Variants in ILF2 observed in about 807,000 individuals in gnomAD.
The protein encoded by ILF2 is interleukin enhancer binding factor 2, also known as interleukin enhancer-binding factor 2.
A neutral mutation model predicts 55.3 loss-of-function variants in ILF2; 9 were observed. The observed-to-expected ratio is 0.16, with a 90% CI of 0.10 to 0.28. The LOEUF (loss-of-function observed/expected upper bound fraction) is 0.28. ILF2 is among the 10% of genes least tolerant of loss of function. The pLI is 1.00. For synonymous variants in ILF2, 151 were observed against 161.8 expected, an observed-to-expected ratio of 0.93 and a Z score of 0.50; for missense variants, 266 against 474.9, an observed-to-expected ratio of 0.56 and a Z score of 4.09.
At chr1:153,670,091 T>C (rs1669406660) in intron 2 of ILF2, 80 bp downstream of exon 2, 1 of 1,436,284 alleles carries the variant, frequency 7.0e-7, no homozygotes, top group Non-Finnish European at 9.8e-7. Context: ...CAAGTGACAT[T>C]AGTCTACTCT....
Position 153,664,309 on chromosome 1 carries a change from G to T in ILF2, c.656+87C>A, listed in dbSNP as rs1669250945. On this transcript the variant is annotated intron_variant, in intron 9 of 13. Transcript: ENST00000361891. The stretch of plus-strand genomic sequence containing the variant: ...CAGACACGAGGTCACAGGCAAAATA[G>T]TTCTGTCAGAGGAAGTATGGGGGTA... 3 of 1,202,328 alleles carry T rather than the reference G, an allele frequency of 2.5e-6. No individual in the cohort carries two copies. In the East Asian group the frequency reaches 7.1e-5, roughly 28 times the overall value. 74.5% of individuals were successfully genotyped at this position (1,202,328 alleles called of 1,614,324 possible). A position where few individuals can be genotyped will look rare whatever the true frequency, so the allele number is the denominator to read the frequency against.
intron 3 of ILF2, 94 bp from the exon 4 acceptor site, chr1:153,668,651 A>C (rs1669370761): frequency 2.1e-6 from 3 of 1,407,330 alleles, no homozygotes; most frequent in South Asian, 1.4e-5. Flanking sequence ...AAGGTTAAAA[A>C]CAGAAAATTC....
At chr1:153,665,164 A>G in intron 8 of ILF2, 56 bp downstream of exon 8, 2 of 995,214 alleles carry the variant, frequency 2.0e-6, no homozygotes, top group Non-Finnish European at 3.2e-6. Context: ...AACAGCAACA[A>G]TACCATGTTT....
At chr1:153,669,213 G>A (rs140065214) in intron 3 of ILF2, among the ~76,000 whole-genome samples, 3 of 152,236 alleles carry the variant, frequency 2.0e-5, no homozygotes, top group East Asian at 3.9e-4. Flanking sequence ...TCCAGCCTGG[G>A]TGACAGAGTG....
At chr1:153,664,171 C>A in intron 9 of ILF2, 41 bp from the exon 10 acceptor site, 1 of 1,228,940 alleles carries the variant, frequency 8.1e-7, no homozygotes, top group South Asian at 1.3e-5. Flanking sequence ...TCAATACGAT[C>A]ATGTATTTCC....
At chr1:153,670,693 T>G (rs1160796432) in intron 1 of ILF2, among the ~76,000 whole-genome samples, 1 of 151,528 alleles carries the variant, frequency 6.6e-6, no homozygotes, top group Non-Finnish European at 1.5e-5. Flanking sequence ...GAGACAAAGG[T>G]GTCGAACCCC....
In ILF2 at chr1:153,661,822, TTAAAA is replaced by T; in HGVS notation, c.*569_*573del. 6.4e-6 allele frequency: 1 copy of T among 155,406 alleles called. No individual in the cohort carries two copies. The highest frequency in any genetic ancestry group is 3.4e-3 in the Middle Eastern group (1 of 296). 9.6% of individuals were successfully genotyped at this position (155,406 alleles called of 1,614,324 possible). ...TAGAATCATTTTATTCAATAAATAC[TTAAAA>T]TGATATTCTAGTTTACTCTGGTATA... On this transcript the variant is annotated 3_prime_UTR_variant, in exon 14 of 14. Coordinates refer to ENST00000361891, the MANE Select transcript of ILF2 (RefSeq NM_004515.4).
chr1:153,667,964 C>G lies in ILF2; in HGVS notation c.291+36G>C, dbSNP rs1411740229. 3 of 1,453,494 alleles carry G rather than the reference C, an allele frequency of 2.1e-6. No homozygotes were observed. In the East Asian group the frequency reaches 6.8e-5, roughly 33 times the overall value. The allele number at this position is 1,453,494 out of a possible 1,614,324, so 90.0% of individuals were successfully genotyped here. A position where few individuals can be genotyped will look rare whatever the true frequency, so the allele number is the denominator to read the frequency against. On this transcript the variant is annotated intron_variant, in intron 5 of 13. Transcript: ENST00000361891. ...CAAGGCAATTTCCACACTACCAAAGCTGCCCTTTCCTAAAACTAAATCATC... is the reference window on the plus strand; with the variant it reads ...CAAGGCAATTTCCACACTACCAAAGGTGCCCTTTCCTAAAACTAAATCATC...
intron 10 of ILF2, 87 bp downstream of exon 10, chr1:153,663,956 T>TTAC (rs10598064): frequency 0.042 from 17,570 of 421,502 alleles, 215 homozygotes; most frequent in Middle Eastern, 0.13. Flanking sequence ...AATTTCAGAG[T>TTAC]TACTACTACT....
In ILF2 at chr1:153,668,044, T is replaced by C; in HGVS notation, c.247A>G (p.Asn83Asp). 6.2e-7 allele frequency: 1 copy of C among 1,611,774 alleles called. No homozygotes were observed. Among genetic ancestry groups the C allele is most frequent in the Non-Finnish European group, 8.5e-7 (1 of 1,178,996 alleles). The change falls in exon 5 of 14, where the codon AAT becomes GAT. Residue 83 changes from asparagine (N) to aspartate (D), a missense_variant. By Grantham distance (23) the Asn-to-Asp change is conservative (BLOSUM62 1). Coordinates refer to ENST00000361891, the MANE Select transcript of ILF2 (RefSeq NM_004515.4). ...SILSLVTKIN[N>D]VIDNLIVAPG... ...GCCACAATCAGATTATCAATCACAT[T>C]GTTTATTTTTGTCACCAGAGAAAGG...
chr1:153,663,721 C>T (rs1196624652), intron 10 of ILF2, among the ~76,000 whole-genome samples: 3 of 151,346 alleles, frequency 2.0e-5, no homozygotes, highest in African/African-American at 7.3e-5. Context: ...TCACTCATTT[C>T]TCTCTACTAC....
Position 153,663,125 on chromosome 1 carries a change from A to G in ILF2, c.815T>C (p.Leu272Ser). 6.2e-7 allele frequency: 1 copy of G among 1,614,194 alleles called. No homozygotes were observed. Among genetic ancestry groups the G allele is most frequent in the Non-Finnish European group, 8.5e-7 (1 of 1,180,020 alleles). Residue 272 changes from leucine (L) to serine (S), a missense_variant, in exon 12 of 14, where the codon TTG (leucine) becomes TCG (serine). Transcript: ENST00000361891. ...LALNVAYRRC[L>S]QILAAGLFLP... ...GAACAGTCCTGCAGCCAGAATCTGCAAGCAGCGCCTAGAACACAGGGAGGT... is the reference window on the plus strand; with the variant it reads ...GAACAGTCCTGCAGCCAGAATCTGCGAGCAGCGCCTAGAACACAGGGAGGT...
chr1:153,664,684 T>C (rs990412014), intron 8 of ILF2, among the ~76,000 whole-genome samples: 1 of 152,142 alleles, frequency 6.6e-6, no homozygotes, highest in African/African-American at 2.4e-5. Flanking sequence ...CTCAGCCTCC[T>C]GAGTAGCTGG....
intron 13 of ILF2, 72 bp downstream of exon 13, chr1:153,662,633 A>C: frequency 6.4e-7 from 1 of 1,567,338 alleles, no homozygotes; most frequent in Admixed American, 1.7e-5. Context: ...AATATTAAAG[A>C]CATTTAAGTA....
At chr1:153,665,792 T>C in intron 6 of ILF2, 64 bp from the exon 7 acceptor site, 1 of 1,235,742 alleles carries the variant, frequency 8.1e-7, no homozygotes, top group South Asian at 1.3e-5. Context: ...TATGTATCTC[T>C]AAGCTACTTT....
At chr1:153,663,363 T>A in intron 10 of ILF2, 87 bp from the exon 11 acceptor site, 1 of 1,273,136 alleles carries the variant, frequency 7.9e-7, no homozygotes, top group South Asian at 1.2e-5. Context: ...GGGCCTCACT[T>A]TGTCATCCAG....
chr1:153,664,784 C>G (rs1473111193), intron 8 of ILF2, among the ~76,000 whole-genome samples: 4 of 152,192 alleles, frequency 2.6e-5, no homozygotes, highest in Non-Finnish European at 5.9e-5. Flanking sequence ...TCTCCAACTC[C>G]TGACCTCAGG....
In ILF2 at chr1:153,662,415, C is replaced by T; in HGVS notation, c.1154G>A (p.Ser385Asn). ...EEPPQGEEEE[S>N]METQE is the part of the protein sequence containing the mutation. The stretch of plus-strand genomic sequence containing the variant: ...GGAATGTCACTCCTGAGTTTCCATG[C>T]TTTCTTCTTCCTCTCCTTGAGGTGG... Residue 385 changes from serine to asparagine, a missense_variant, in exon 14 of 14, where the codon AGC (serine) becomes AAC (asparagine). Transcript: ENST00000361891. The T allele has an allele frequency of 6.2e-7, 1 of 1,614,084 alleles. No individual in the cohort carries two copies. Among genetic ancestry groups the T allele is most frequent in the Non-Finnish European group, 8.5e-7 (1 of 1,179,966 alleles).
rs763098168 is a variant in ILF2, at chr1:153,662,837, G to A, written c.922-42C>T. ...TGAGAGTAAGCAAGGAAAATCAAAG[G>A]ACCTTATTTGAGTAATACCCTTCTG... On this transcript the variant is annotated intron_variant, in intron 12 of 13. Transcript: ENST00000361891. 90 of 1,529,964 alleles carry A rather than the reference G, an allele frequency of 5.9e-5. 1 individual carries two copies. Among genetic ancestry groups the A allele is most frequent in the Non-Finnish European group, 8.1e-5 (89 of 1,104,414 alleles). 94.8% of individuals were successfully genotyped at this position (1,529,964 alleles called of 1,614,324 possible). A position where few individuals can be genotyped will look rare whatever the true frequency, so the allele number is the denominator to read the frequency against.
Sources: gnomAD v4.1 joint callset for allele counts (sites outside exome capture counted in the v4.1 genomes callset) on GRCh38, gnomAD v4.1.1 for gene constraint, MANE v1.5 for transcripts, NCBI Gene and HGNC (gene_info 2026-07-23, HGNC 2026-07-21) for gene names.